The following IL12RB2 variants were observed in gnomAD, a reference collection of about 807,000 sequenced individuals.
IL12RB2 encodes the protein interleukin 12 receptor subunit beta 2.
Under a neutral mutation model 89.4 loss-of-function variants are expected in IL12RB2, and 82 were observed. The ratio of observed to expected loss-of-function variants is 0.92; its 90% CI spans 0.77 to 1.10. The LOEUF (loss-of-function observed/expected upper bound fraction) is 1.10, where lower values mean the gene tolerates loss of function less well. Ranked by LOEUF, IL12RB2 falls within the 50% of genes least tolerant of loss-of-function variation. The probability of loss-of-function intolerance (pLI) is 0.00; values close to 1 mark genes in which losing one functional copy is unlikely to be tolerated. For missense variants in IL12RB2, 963 were observed against 1,031.9 expected, an observed-to-expected ratio of 0.93 and a Z score of 0.92; for synonymous variants, 368 against 370.1, an observed-to-expected ratio of 0.99 and a Z score of 0.07.
chr1:67,338,563 C>T (rs745418790), intron 8 of IL12RB2, 61 bp from the exon 9 acceptor site: 5 of 810,810 alleles, frequency 6.2e-6, no homozygotes, highest in Non-Finnish European at 1.1e-5. Context: ...TACTGAATGA[C>T]CAGTTAACTT....
chr1:67,341,526 A>T (rs57664867), intron 9 of IL12RB2, among the ~76,000 whole-genome samples: 10,002 of 40,614 alleles, frequency 0.25, 396 homozygotes, highest in South Asian at 0.42. Context: ...AAGAAAAAAG[A>T]AAGAGAAAGA....
chr1:67,329,118 C>A (rs1316290282), intron 6 of IL12RB2, among the ~76,000 whole-genome samples: 1 of 152,182 alleles, frequency 6.6e-6, no homozygotes, highest in Non-Finnish European at 1.5e-5. Flanking sequence ...GGCTTCCTCC[C>A]ATTTCTTTCA....
rs140720841 is a variant in IL12RB2, at chr1:67,353,878, A to T, written c.1258+2789A>T. ...GATGGGTCTTGAGGTTTTAAACCTC[A>T]TGAATTCTATGGTCCCATTCCAGGT... On this transcript the variant is annotated intron_variant, in intron 10 of 16. Transcript: ENST00000674203. Among the ~76,000 whole-genome samples, 409 of 152,352 alleles carry T rather than the reference A, an allele frequency of 2.7e-3. 6 individuals carry two copies. Among genetic ancestry groups the T allele is most frequent in the Middle Eastern group, 0.01 (3 of 294 alleles).
rs1212343047 is a variant in IL12RB2 at position 67,328,207 on chromosome 1, G to T, written c.487G>T (p.Gly163Ter). ...LYTEYTLQLSGPKNLTWQKQC... is the reference protein window; with the variant it reads ...LYTEYTLQLS ...GTTGTGTTTTGTTTACAGGCTAAGT[G>T]GACCAAAAAATTTAACCTGGCAGAA... Residue 163 changes from glycine to a stop codon, truncating the protein, a stop_gained, in exon 6 of 17, where the codon GGA becomes TGA. Transcript: ENST00000674203. LOFTEE classifies it high-confidence loss of function. 1 of 1,613,016 alleles carries T rather than the reference G, an allele frequency of 6.2e-7. No homozygotes were observed.
chr1:67,372,281 C>T (rs1329134942), intron 11 of IL12RB2, among the ~76,000 whole-genome samples, 155 bp from the exon 12 acceptor site: 1 of 152,156 alleles, frequency 6.6e-6, no homozygotes, highest in Non-Finnish European at 1.5e-5. Flanking sequence ...GAATTTGTAA[C>T]ATAGGTCATC....
intron 8 of IL12RB2, among the ~76,000 whole-genome samples, chr1:67,335,185 A>C (rs1418866551): frequency 6.6e-6 from 1 of 152,204 alleles, no homozygotes; most frequent in African/African-American, 2.4e-5. Context: ...GAGATAATAC[A>C]GTGTATCTGC....
chr1:67,395,483 G>C, intron 16 of IL12RB2, 64 bp from the exon 17 acceptor site: 1 of 1,613,400 alleles, frequency 6.2e-7, no homozygotes, highest in Non-Finnish European at 8.5e-7. Context: ...GGGAACCCTG[G>C]AGAAATAGGT....
At chr1:67,359,962 T>C (rs1260379342) in intron 10 of IL12RB2, among the ~76,000 whole-genome samples, 1 of 151,844 alleles carries the variant, frequency 6.6e-6, no homozygotes, top group Non-Finnish European at 1.5e-5. Context: ...AGCAGAAAAC[T>C]TCATGGGAAC....
chr1:67,356,032 A>G (rs1391255351), intron 10 of IL12RB2, among the ~76,000 whole-genome samples: 1 of 152,238 alleles, frequency 6.6e-6, no homozygotes, highest in Non-Finnish European at 1.5e-5. Flanking sequence ...TTCAATAAAT[A>G]CTTGCTGAAT....
chr1:67,336,084 G>A (rs1435718137), intron 8 of IL12RB2, among the ~76,000 whole-genome samples: 1 of 152,078 alleles, frequency 6.6e-6, no homozygotes, highest in Non-Finnish European at 1.5e-5. Context: ...GAGCACACCC[G>A]GGTTTCCAAA....
rs770479015 is a variant in IL12RB2 at position 67,350,919 on chromosome 1, C to A, written c.1088C>A (p.Thr363Asn). The A allele has an allele frequency of 4.0e-5, 64 of 1,613,936 alleles. No individual in the cohort carries two copies. In the South Asian group the frequency reaches 4.8e-4, roughly 12 times the overall value. ...ARGKILHYQV[T>N]LQELTGGKAM... ...GGAAAAATTCTCCACTATCAGGTGACCTTGCAGGAGCTGACAGGAGGGAAA... is the reference window on the plus strand; with the variant it reads ...GGAAAAATTCTCCACTATCAGGTGAACTTGCAGGAGCTGACAGGAGGGAAA... The change falls in exon 10 of 17, where the codon ACC becomes AAC. Residue 363 changes from threonine to asparagine, a missense_variant. Physicochemically the swap from Thr to Asn is moderately conservative, Grantham distance 65 (BLOSUM62 0). Coordinates refer to ENST00000674203, the MANE Select transcript of IL12RB2 (RefSeq NM_001374259.2).
In IL12RB2 at chr1:67,362,999, T is replaced by A. The variant is rs191685047; in HGVS notation, c.1259-4826T>A. ...CTCACTGCAACTTCCAACTCCCTGG[T>A]TCAAGCGATTCTCCTGCCTCAGCCT... is the stretch of plus-strand genomic sequence containing the variant. On this transcript the variant is annotated intron_variant, in intron 10 of 16. Coordinates refer to ENST00000674203, the MANE Select transcript of IL12RB2 (RefSeq NM_001374259.2). 1.3e-3 allele frequency among the ~76,000 whole-genome samples: 195 copies of A among 151,730 alleles called. 1 individual carries two copies. In the South Asian group the frequency reaches 0.021, roughly 16 times the overall value.
rs1318496915 is a variant in IL12RB2, at chr1:67,332,450, A to C, written c.958+1640A>C. ...AGGCTGGTCTCGAACTCTTGACCTCAGGTGATCCACCTGCCTCGGCCTCCC... is the reference window on the plus strand; with the variant it reads ...AGGCTGGTCTCGAACTCTTGACCTCCGGTGATCCACCTGCCTCGGCCTCCC... On this transcript the variant is annotated intron_variant, in intron 8 of 16. Transcript: ENST00000674203. Among the ~76,000 whole-genome samples the C allele has an allele frequency of 2.6e-5, 4 of 152,100 alleles. 1 individual carries two copies. Among genetic ancestry groups the C allele is most frequent in the Non-Finnish European group, 5.9e-5 (4 of 68,016 alleles).
rs1665131420 is a variant in IL12RB2, at chr1:67,386,252, C to G, written c.1856-327C>G. 2.7e-5 allele frequency among the ~76,000 whole-genome samples: 4 copies of G among 149,436 alleles called. No individual in the cohort carries two copies. In the South Asian group the frequency reaches 6.4e-4, roughly 24 times the overall value. ...AAAAAAGAAGGAAATAAACTGAAGTCCACAGATTACACATCTGCTAGCGGC... is the reference window on the plus strand; with the variant it reads ...AAAAAAGAAGGAAATAAACTGAAGTGCACAGATTACACATCTGCTAGCGGC... On this transcript the variant is annotated intron_variant, in intron 14 of 16. Coordinates refer to ENST00000674203, the MANE Select transcript of IL12RB2 (RefSeq NM_001374259.2).
intron 2 of IL12RB2, among the ~76,000 whole-genome samples, chr1:67,319,179 T>C (rs1459203431): frequency 3.9e-5 from 6 of 152,230 alleles, no homozygotes; most frequent in Non-Finnish European, 8.8e-5. Context: ...TGTCTAGGTA[T>C]GGGGTTAAGA....
chr1:67,378,791 A>G (rs988169441), intron 13 of IL12RB2, among the ~76,000 whole-genome samples: 2 of 146,158 alleles, frequency 1.4e-5, no homozygotes, highest in Non-Finnish European at 3.0e-5. Context: ...CGGAGGTTGC[A>G]GTGAGCCAAG....
At chr1:67,364,019 G>A (rs537502526) in intron 10 of IL12RB2, among the ~76,000 whole-genome samples, 1 of 152,310 alleles carries the variant, frequency 6.6e-6, no homozygotes, top group African/African-American at 2.4e-5. Flanking sequence ...ACTAAAAACA[G>A]CAATTACAAA....
Position 67,321,677 on chromosome 1 carries a change from G to C in IL12RB2, c.152G>C (p.Cys51Ser). Residue 51 changes from cysteine to serine, a missense_variant, in exon 4 of 17, where the codon TGC (cysteine) becomes TCC (serine). By Grantham distance (112) the Cys-to-Ser change is moderately radical. Transcript: ENST00000674203. ...CTTGGATCCACTGTCAATATTACATGCTCTTTGAAGCCCAGACAAGGCTGC... is the reference window on the plus strand; with the variant it reads ...CTTGGATCCACTGTCAATATTACATCCTCTTTGAAGCCCAGACAAGGCTGC... ...ILLGSTVNIT[C>S]SLKPRQGCFH... The C allele has an allele frequency of 1.2e-6, 2 of 1,602,730 alleles. No homozygotes were observed. Among genetic ancestry groups the C allele is most frequent in the Non-Finnish European group, 1.7e-6 (2 of 1,169,572 alleles).
rs182906468 is a variant in IL12RB2, at chr1:67,362,798, G to A, written c.1259-5027G>A. On this transcript the variant is annotated intron_variant, in intron 10 of 16. Coordinates refer to ENST00000674203, the MANE Select transcript of IL12RB2 (RefSeq NM_001374259.2). ...TGCCTAGCAAAAAATGTGAAATGAA[G>A]TTTTTCAGAGAGAAGGAAAATGAGA... Among the ~76,000 whole-genome samples the A allele has an allele frequency of 1.6e-4, 24 of 152,012 alleles. 1 individual carries two copies. In the East Asian group the frequency reaches 4.6e-3, roughly 29 times the overall value.
Sources: allele counts gnomAD v4.1 joint callset (sites outside exome capture counted in the v4.1 genomes callset), GRCh38; gene constraint gnomAD v4.1.1; transcripts MANE v1.5; gene names NCBI Gene and HGNC (gene_info 2026-07-23, HGNC 2026-07-21).